Variants in DHX57 observed in about 807,000 individuals in gnomAD.
DHX57 encodes the protein putative ATP-dependent RNA helicase DHX57.
DHX57 carries 105 observed loss-of-function variants against 156.2 expected under a neutral mutation model. The ratio of observed to expected loss-of-function variants is 0.67; its 90% CI spans 0.57 to 0.79. DHX57 has a LOEUF of 0.79. DHX57 is among the 30% of genes least tolerant of loss of function. The pLI is 0.00. For synonymous variants in DHX57, 704 were observed against 595.6 expected (o/e 1.18, Z -2.65); for missense variants, 1,847 against 1,661.9 (o/e 1.11, Z -1.94).
chr2:38,825,226 C>T (rs749208039), intron 16 of DHX57, among the ~76,000 whole-genome samples: 1 of 152,176 alleles, frequency 6.6e-6, no homozygotes, highest in Non-Finnish European at 1.5e-5. Context: ...AGCCTTTTCT[C>T]ACTTAATGTA....
chr2:38,850,521 C>T (rs545930145), intron 9 of DHX57, among the ~76,000 whole-genome samples: 35 of 152,086 alleles, frequency 2.3e-4, no homozygotes, highest in African/African-American at 8.2e-4. Flanking sequence ...CTTGGCTTCC[C>T]AAAATGCTGG....
chr2:38,813,668 G>A (rs368439526), intron 21 of DHX57, among the ~76,000 whole-genome samples, 153 bp downstream of exon 21: 7 of 152,256 alleles, frequency 4.6e-5, no homozygotes, highest in South Asian at 4.1e-4. Flanking sequence ...CACCGCACCC[G>A]GCCGAAAATG....
Position 38,847,025 on chromosome 2 carries a change from A to G in DHX57, c.2213T>C (p.Val738Ala). 6.2e-7 allele frequency: 1 copy of G among 1,612,942 alleles called. No individual in the cohort carries two copies. Among genetic ancestry groups the G allele is most frequent in the Non-Finnish European group, 8.5e-7 (1 of 1,179,136 alleles). ...TAATTAATATCTTCCTTACCTTGTC[A>G]CAGCAATTGCATCTTCCAAAAAAAA... is the stretch of plus-strand genomic sequence containing the variant. ...DQFFLEDAIA[V>A]TRYVLQDGSP... Residue 738 changes from valine (V) to alanine (A), a missense_variant, in exon 11 of 24, where the codon GTG becomes GCG. By Grantham distance (64) the Val-to-Ala change is moderately conservative. Coordinates refer to ENST00000457308, the MANE Select transcript of DHX57 (RefSeq NM_198963.3).
intron 6 of DHX57, 91 bp from the exon 7 acceptor site, chr2:38,856,552 G>A (rs1672910163): frequency 1.4e-6 from 2 of 1,454,592 alleles, no homozygotes; most frequent in Non-Finnish European, 1.8e-6. Flanking sequence ...TTGCCAGGCT[G>A]GAGTGCAGTG....
At chr2:38,868,114 A>T in intron 2 of DHX57, 68 bp downstream of exon 2, 1 of 1,562,500 alleles carries the variant, frequency 6.4e-7, no homozygotes. Context: ...ATTCTCAGCC[A>T]TCTGTTGTCC....
At chr2:38,874,030 G>A (rs549889306) in intron 1 of DHX57, among the ~76,000 whole-genome samples, 2 of 152,244 alleles carry the variant, frequency 1.3e-5, no homozygotes, top group Admixed American at 1.3e-4. Flanking sequence ...AACCTGCATA[G>A]AGGAAAAGTT....
chr2:38,843,310 G>GTT lies in DHX57; in HGVS notation c.2220-101_2220-100insAA, dbSNP rs1382770937. ...CGTGCTCGTTCAGCAAAATGTCACT[G>GTT]TCTGCCCAATTCACATGCCATCCTT... On this transcript the variant is annotated intron_variant, in intron 11 of 23. Transcript: ENST00000457308. 11 of 1,229,738 alleles carry GTT rather than the reference G, an allele frequency of 8.9e-6. No individual in the cohort carries two copies. In the African/African-American group the frequency reaches 1.6e-4, roughly 18 times the overall value. The allele number at this position is 1,229,738 out of a possible 1,614,324, so 76.2% of individuals were successfully genotyped here.
chr2:38,845,865 C>CG (rs1672252160), intron 11 of DHX57, among the ~76,000 whole-genome samples: 1 of 137,220 alleles, frequency 7.3e-6, no homozygotes, highest in East Asian at 2.1e-4. Flanking sequence ...TAATAGCTAA[C>CG]TTTTTTTTTT....
intron 16 of DHX57, among the ~76,000 whole-genome samples, chr2:38,824,991 C>T (rs577679330): frequency 1.3e-5 from 2 of 152,224 alleles, no homozygotes; most frequent in Non-Finnish European, 2.9e-5. Context: ...TGCATTGTGT[C>T]CTGCCTTGTG....
At chr2:38,834,129 A>C (rs1015542266) in intron 13 of DHX57, among the ~76,000 whole-genome samples, 16 of 152,098 alleles carry the variant, frequency 1.1e-4, no homozygotes, top group Admixed American at 7.2e-4. Flanking sequence ...TGGGAGTTCG[A>C]GACCAGCCTG....
At chr2:38,831,800 T>G (rs1384542826) in intron 13 of DHX57, among the ~76,000 whole-genome samples, 14 of 146,138 alleles carry the variant, frequency 9.6e-5, no homozygotes, top group Admixed American at 7.7e-4. Context: ...GAGGTTGCAG[T>G]GAGCTGAGAT....
At chr2:38,824,173 G>A (rs893692649) in intron 16 of DHX57, among the ~76,000 whole-genome samples, 1 of 152,152 alleles carries the variant, frequency 6.6e-6, no homozygotes, top group Non-Finnish European at 1.5e-5. Context: ...ATACTACTCA[G>A]GCTTAAAAAA....
intron 13 of DHX57, among the ~76,000 whole-genome samples, chr2:38,835,625 G>A (rs1671610827): frequency 6.6e-6 from 1 of 152,104 alleles, no homozygotes; most frequent in Non-Finnish European, 1.5e-5. Context: ...GGACCTTTAA[G>A]GCTCATTATA....
intron 17 of DHX57, 56 bp from the exon 18 acceptor site, chr2:38,819,200 G>C (rs1258346654): frequency 3.2e-6 from 5 of 1,548,936 alleles, no homozygotes; most frequent in Admixed American, 1.7e-5. Flanking sequence ...TCAAAGACAG[G>C]GTCTTGTTCT....
chr2:38,837,958 G>A lies in DHX57; in HGVS notation c.2426-11C>T. On this transcript the variant is annotated splice_polypyrimidine_tract_variant and intron_variant, in intron 12 of 23. Transcript: ENST00000457308. The stretch of plus-strand genomic sequence containing the variant: ...CTGACTTGCTAACCCCTGAAAGAAA[G>A]AAAGGTAAAAATGAGAAGGATATTT... 1.3e-6 allele frequency: 2 copies of A among 1,550,888 alleles called. No individual in the cohort carries two copies. Among genetic ancestry groups the A allele is most frequent in the Non-Finnish European group, 1.8e-6 (2 of 1,123,152 alleles).
chr2:38,812,172 GACCTT>G (rs1387974652), intron 21 of DHX57, among the ~76,000 whole-genome samples: 2 of 152,126 alleles, frequency 1.3e-5, no homozygotes, highest in African/African-American at 4.8e-5. Context: ...CCAACGGTAA[GACCTT>G]ACATTACTAG....
intron 17 of DHX57, among the ~76,000 whole-genome samples, chr2:38,820,998 A>AT (rs569030772): frequency 1.0e-3 from 156 of 152,226 alleles, no homozygotes; most frequent in African/African-American, 3.6e-3. Context: ...AGCTCAATAC[A>AT]TTTTAAAGAG....
chr2:38,849,688 C>T (rs2124898267), intron 9 of DHX57, among the ~76,000 whole-genome samples: 1 of 152,334 alleles, frequency 6.6e-6, no homozygotes, highest in African/African-American at 2.4e-5. Flanking sequence ...CTCTCCCGTT[C>T]ATTCACTCAG....
At chr2:38,805,059 G>A (rs1375488797) in intron 22 of DHX57, among the ~76,000 whole-genome samples, 6 of 152,124 alleles carry the variant, frequency 3.9e-5, no homozygotes, top group African/African-American at 7.2e-5. Context: ...CAGATTAGGC[G>A]CTAGTAGATA....
Sources: allele counts gnomAD v4.1 joint callset (sites outside exome capture counted in the v4.1 genomes callset), GRCh38; gene constraint gnomAD v4.1.1; transcripts MANE v1.5; gene names NCBI Gene and HGNC (gene_info 2026-07-23, HGNC 2026-07-21).